Variants in SASH1 observed in about 807,000 individuals in gnomAD.
SASH1 encodes the protein SAM and SH3 domain containing 1.
In SASH1, 44 loss-of-function variants were observed where a neutral mutation model predicts 125.2. The ratio of observed to expected loss-of-function variants is 0.35; its 90% CI spans 0.28 to 0.45. The LOEUF (loss-of-function observed/expected upper bound fraction) is 0.45, where lower values mean the gene tolerates loss of function less well. Among genes scored for constraint, SASH1 ranks in the 20% least tolerant of loss-of-function variants. The pLI is 1.00. For missense variants in SASH1, 1,426 were observed against 1,614.5 expected (o/e 0.88, Z 2.00); for synonymous variants, 639 against 649.1 (o/e 0.98, Z 0.24).
intron 1 of SASH1, among the ~76,000 whole-genome samples, chr6:148,323,844 T>C (rs6940682): frequency 0.44 from 66,147 of 151,748 alleles, 15,187 homozygotes; most frequent in East Asian, 0.63. Flanking sequence ...AAAACAAGCA[T>C]GGCAGGGCGC....
chr6:148,227,347 A>ATTTG, the SASH1 span, among the ~76,000 whole-genome samples: 428 of 152,038 alleles, frequency 2.8e-3, no homozygotes, highest in African/African-American at 8.8e-3. Flanking sequence ...GCACTCAGGA[A>ATTTG]TTTGTTTGTT....
rs1782809770 is a variant in SASH1 at position 148,550,172 on chromosome 6, A to G, written c.*1614A>G. ...TAGCAAACAGTAAATTTAAACAAGT[A>G]AACTATTATGGTTTCCATTGCTTAC... On this transcript the variant is annotated 3_prime_UTR_variant, in exon 20 of 20. Transcript: ENST00000367467. The G allele has an allele frequency of 1.3e-5, 2 of 152,190 alleles. No homozygotes were observed. Among genetic ancestry groups the G allele is most frequent in the Non-Finnish European group, 2.9e-5 (2 of 68,034 alleles). 9.4% of individuals were successfully genotyped at this position (152,190 alleles called of 1,614,324 possible).
At chr6:148,460,992 G>A (rs1012055421) in intron 4 of SASH1, among the ~76,000 whole-genome samples, 2 of 152,222 alleles carry the variant, frequency 1.3e-5, no homozygotes, top group African/African-American at 4.8e-5. Context: ...TGCTGGAGAA[G>A]ACTAAGTTCG....
intron 7 of SASH1, among the ~76,000 whole-genome samples, chr6:148,484,448 C>A (rs1778755528): frequency 6.6e-6 from 1 of 151,968 alleles, no homozygotes; most frequent in Non-Finnish European, 1.5e-5. Flanking sequence ...AATGGTCATG[C>A]CTTCATGAAA....
the SASH1 span, among the ~76,000 whole-genome samples, chr6:148,215,763 G>A: frequency 2.0e-5 from 3 of 152,260 alleles, no homozygotes; most frequent in Admixed American, 6.5e-5. Context: ...TCAACTTGCT[G>A]TGCTTGCTGG....
chr6:148,217,078 C>T, the SASH1 span, among the ~76,000 whole-genome samples: 20 of 152,188 alleles, frequency 1.3e-4, no homozygotes, highest in African/African-American at 2.2e-4. Flanking sequence ...CTCCAAGCAC[C>T]GCTAGAGACT....
rs1404539472 is a variant in SASH1 at position 148,433,549 on chromosome 6, G to A, written c.286-6635G>A. On this transcript the variant is annotated intron_variant, in intron 2 of 19. Coordinates refer to ENST00000367467, the MANE Select transcript of SASH1 (RefSeq NM_015278.5). Reference sequence around the variant, plus strand: ...GTGTCCTGAGTAGCTGGGACTACAGGTGTGTGCCTTCACACCTGGCTTATT... The same window carrying A: ...GTGTCCTGAGTAGCTGGGACTACAGATGTGTGCCTTCACACCTGGCTTATT... 2.6e-5 allele frequency among the ~76,000 whole-genome samples: 4 copies of A among 151,746 alleles called. No individual in the cohort carries two copies. The East Asian group carries it at 7.7e-4, about 29-fold the overall frequency.
At chr6:148,368,770 G>GCACACACACACACACACACACA (rs377455429) in intron 1 of SASH1, among the ~76,000 whole-genome samples, 1,639 of 135,690 alleles carry the variant, frequency 0.012, 33 homozygotes, top group Admixed American at 0.038. Flanking sequence ...GCACGCGCGC[G>GCACACACACACACACACACACA]CACACACACA....
the SASH1 span, among the ~76,000 whole-genome samples, chr6:148,222,335 AG>A: frequency 1.3e-5 from 2 of 152,222 alleles, no homozygotes. Flanking sequence ...AAAACTATTT[AG>A]GCAAGTGAAT....
At chr6:148,312,849 A>AGAAGGAG (rs1780369514) in intron 1 of SASH1, among the ~76,000 whole-genome samples, 1 of 152,060 alleles carries the variant, frequency 6.6e-6, no homozygotes, top group Non-Finnish European at 1.5e-5. Flanking sequence ...GAGAAGGAGG[A>AGAAGGAG]GAAGGAGGAG....
intron 1 of SASH1, among the ~76,000 whole-genome samples, chr6:148,302,043 T>A (rs1311616597): frequency 6.6e-6 from 1 of 150,974 alleles, no homozygotes; most frequent in Non-Finnish European, 1.5e-5. Context: ...AGGCCGGGCG[T>A]GGCGGCTCAC....
chr6:148,438,745 AAC>A (rs1554257279), intron 2 of SASH1, among the ~76,000 whole-genome samples: 196 of 120,006 alleles, frequency 1.6e-3, no homozygotes, highest in African/African-American at 5.1e-3. Context: ...AAAAAAAAAA[AAC>A]CAAAACAAAC....
chr6:148,477,273 A>C (rs775346652), intron 7 of SASH1, among the ~76,000 whole-genome samples: 1 of 152,244 alleles, frequency 6.6e-6, no homozygotes. Context: ...CAAAGTGAAA[A>C]GACAACCCAC....
At chr6:148,525,511 C>T in intron 11 of SASH1, 146 bp downstream of exon 11, 1 of 688,432 alleles carries the variant, frequency 1.5e-6, no homozygotes, top group East Asian at 2.6e-5. Flanking sequence ...CTCTATTTCA[C>T]TTGCCTTACA....
chr6:148,521,428 A>T (rs1780803454), intron 10 of SASH1, among the ~76,000 whole-genome samples: 1 of 152,220 alleles, frequency 6.6e-6, no homozygotes, highest in Admixed American at 6.5e-5. Context: ...GCTTTTGTGA[A>T]AGTGAAGACG....
chr6:148,365,111 A>G (rs1050873174), intron 1 of SASH1, among the ~76,000 whole-genome samples: 1 of 148,034 alleles, frequency 6.8e-6, no homozygotes, highest in Non-Finnish European at 1.5e-5. Context: ...CACCAAAGTG[A>G]GACTCTGTCA....
intron 1 of SASH1, among the ~76,000 whole-genome samples, chr6:148,326,486 C>G: frequency 6.9e-6 from 1 of 145,530 alleles, no homozygotes; most frequent in African/African-American, 2.6e-5. Flanking sequence ...CTCACTGCAA[C>G]CACTGCCTCC....
the SASH1 span, among the ~76,000 whole-genome samples, chr6:148,229,001 G>A: frequency 4.0e-5 from 6 of 151,862 alleles, no homozygotes; most frequent in African/African-American, 2.4e-5. Context: ...GGGCAACATG[G>A]TGCATACCTG....
chr6:148,340,912 G>A (rs1425917647), upstream of SASH1, among the ~76,000 whole-genome samples: 1 of 152,156 alleles, frequency 6.6e-6, no homozygotes, highest in Non-Finnish European at 1.5e-5. Flanking sequence ...AAGGAGGGAG[G>A]ATCCCTTGAG....
Sources: gnomAD v4.1 joint callset for allele counts (sites outside exome capture counted in the v4.1 genomes callset) on GRCh38, gnomAD v4.1.1 for gene constraint, MANE v1.5 for transcripts, NCBI Gene and HGNC (gene_info 2026-07-23, HGNC 2026-07-21) for gene names.